Variants in ADAP1 observed in about 807,000 individuals in gnomAD.
ADAP1 encodes the protein arf-GAP with dual PH domain-containing protein 1.
Under a neutral mutation model 54.9 loss-of-function variants are expected in ADAP1, and 31 were observed. The ratio of observed to expected loss-of-function variants is 0.56; its 90% CI spans 0.42 to 0.76. The LOEUF (loss-of-function observed/expected upper bound fraction) is 0.76. ADAP1 is among the 30% of genes least tolerant of loss of function. The pLI is 0.00. For synonymous variants in ADAP1, 313 were observed against 202.6 expected (o/e 1.55, Z -4.63); for missense variants, 535 against 512.4 (o/e 1.04, Z -0.42).
rs115107801 is a variant in ADAP1, at chr7:904,624, G to A, written c.502-352C>T. On this transcript the variant is annotated intron_variant, in intron 5 of 10. Transcript: ENST00000265846. ...GCCAGTGCCCGCCACGGCTCAGGGC[G>A]GGTGCTTCTGACCATCAGCCCATGG... Among the ~76,000 whole-genome samples, 932 of 152,278 alleles carry A rather than the reference G, an allele frequency of 6.1e-3. 11 individuals are homozygous for A. The highest frequency in any genetic ancestry group is 0.02 in the African/African-American group (821 of 41,556).
rs1844681943 is a variant in ADAP1 at position 899,591 on chromosome 7, G to A, written c.796-101C>T. 3.7e-6 allele frequency: 5 copies of A among 1,363,442 alleles called. No individual in the cohort carries two copies. The East Asian group carries it at 1.0e-4, about 27-fold the overall frequency. 84.5% of individuals were successfully genotyped at this position (1,363,442 alleles called of 1,614,324 possible). The stretch of plus-strand genomic sequence containing the variant: ...GGAGGGCAGGGCCCAGACTGGCCCG[G>A]GTCAGTCACCTCCATTCACTCACGC... On this transcript the variant is annotated intron_variant, in intron 8 of 10. Coordinates refer to ENST00000265846, the MANE Select transcript of ADAP1 (RefSeq NM_006869.4).
chr7:934,939 G>A (rs990530058), intron 2 of ADAP1, among the ~76,000 whole-genome samples: 3 of 152,230 alleles, frequency 2.0e-5, no homozygotes, highest in Non-Finnish European at 4.4e-5. Context: ...GCAGCGGGCC[G>A]GGGTGCACGT....
intron 5 of ADAP1, 24 bp downstream of exon 5, chr7:905,031 CCCCCA>C: frequency 6.3e-7 from 1 of 1,586,276 alleles, no homozygotes; most frequent in Non-Finnish European, 8.6e-7. Flanking sequence ...CTGGGACAGG[CCCCCA>C]CCCCACCCCC....
chr7:904,942 T>TCGGGGGGGGCAG, intron 5 of ADAP1, 118 bp downstream of exon 5: 2 of 859,374 alleles, frequency 2.3e-6, no homozygotes, highest in Non-Finnish European at 1.9e-6. Flanking sequence ...AGCGTCCCCA[T>TCGGGGGGGGCAG]CGGGGGGGGC....
In ADAP1 at chr7:899,468, C is replaced by T. The variant is rs762723014; in HGVS notation, c.818G>A (p.Arg273His). 3.1e-6 allele frequency: 5 copies of T among 1,613,120 alleles called. No homozygotes were observed. Among genetic ancestry groups the T allele is most frequent in the East Asian group, 2.2e-5 (1 of 44,872 alleles). Residue 273 changes from arginine to histidine, a missense_variant, in exon 9 of 11, where the codon CGC (arginine) becomes CAC (histidine). By Grantham distance (29) the Arg-to-His change is conservative. Transcript: ENST00000265846. Reference sequence around the variant, plus strand: ...CCTGCGGTCATCCATGGTGAACCAGCGCTTCCGGAAGCCTTCCGTTTGCTG... The same window carrying T: ...CCTGCGGTCATCCATGGTGAACCAGTGCTTCCGGAAGCCTTCCGTTTGCTG... Reference protein sequence around the residue: ...GPKQTEGFRKRWFTMDDRRLM... With the variant: ...GPKQTEGFRKHWFTMDDRRLM...
intron 1 of ADAP1, among the ~76,000 whole-genome samples, chr7:941,768 T>G (rs1313440488): frequency 6.6e-6 from 1 of 152,328 alleles, no homozygotes; most frequent in East Asian, 1.9e-4. Flanking sequence ...TCAACAGGAT[T>G]TTAAAAATAG....
chr7:914,674 G>A (rs993449529), intron 4 of ADAP1, among the ~76,000 whole-genome samples: 4 of 152,174 alleles, frequency 2.6e-5, no homozygotes, highest in Non-Finnish European at 4.4e-5. Flanking sequence ...CCAAATAGCA[G>A]CGGGCAGCTA....
At chr7:930,495 G>A (rs1376847852) in intron 2 of ADAP1, among the ~76,000 whole-genome samples, 1 of 143,042 alleles carries the variant, frequency 7.0e-6, no homozygotes, top group African/African-American at 2.5e-5. Flanking sequence ...GGCCAACATA[G>A]CAAGACCCCA....
intron 8 of ADAP1, 143 bp from the exon 9 acceptor site, chr7:899,633 CCCA>C: frequency 1.1e-6 from 1 of 891,480 alleles, no homozygotes; most frequent in Non-Finnish European, 1.7e-6. Context: ...CTGGCCACGC[CCCA>C]CGAGGCCTCC....
chr7:926,526 G>A lies in ADAP1; in HGVS notation c.305+27C>T, dbSNP rs760516412. The A allele has an allele frequency of 4.0e-6, 6 of 1,511,146 alleles. No individual in the cohort carries two copies. The highest frequency in any genetic ancestry group is 5.3e-6 in the Non-Finnish European group (6 of 1,130,238). The allele number at this position is 1,511,146 out of a possible 1,614,324, so 93.6% of individuals were successfully genotyped here. A position where few individuals can be genotyped will look rare whatever the true frequency, so the allele number is the denominator to read the frequency against. The stretch of plus-strand genomic sequence containing the variant: ...CGGAGCCACCCAGCACTTGACCATG[G>A]CCCTGACAAGGCCCCTTTGTACTCA... On this transcript the variant is annotated intron_variant, in intron 3 of 10. Transcript: ENST00000265846. This position sits in a 1 kb window ranked among gnomAD's most constrained non-coding sequence, Gnocchi z 4.6.
At chr7:931,996 C>T (rs1846596917) in intron 2 of ADAP1, among the ~76,000 whole-genome samples, 2 of 152,292 alleles carry the variant, frequency 1.3e-5, no homozygotes, top group East Asian at 1.9e-4. Flanking sequence ...CAGTGCAGCT[C>T]CCGCCCCACA....
chr7:903,902 T>C (rs976930143), intron 6 of ADAP1: 14 of 540,282 alleles, frequency 2.6e-5, no homozygotes, highest in African/African-American at 2.0e-4. Context: ...GGAAGCTGCC[T>C]TCCTGCACCT....
intron 6 of ADAP1, chr7:900,863 G>GAGAAGGGC (rs1473511160): frequency 6.2e-5 from 36 of 581,558 alleles, no homozygotes; most frequent in Middle Eastern, 4.0e-4. Flanking sequence ...GCGAAGTCCT[G>GAGAAGGGC]AGAAGGGCCG....
intron 3 of ADAP1, among the ~76,000 whole-genome samples, chr7:923,723 G>A (rs1846269715): frequency 6.6e-6 from 1 of 152,162 alleles, no homozygotes; most frequent in Non-Finnish European, 1.5e-5. Context: ...ATGGCGTGGG[G>A]GGCCTTCCAG....
At chr7:911,069 C>A (rs1845702168) in intron 4 of ADAP1, among the ~76,000 whole-genome samples, 1 of 152,176 alleles carries the variant, frequency 6.6e-6, no homozygotes, top group African/African-American at 2.4e-5. Context: ...CAGGTTGGTG[C>A]GTCTGGGGCC....
At chr7:955,385 C>G (rs1454269163), upstream of ADAP1, 7 of 1,550,176 alleles carry the variant, frequency 4.5e-6, no homozygotes, top group East Asian at 1.5e-4. Context: ...GCAGTACACC[C>G]GGCTGAAAAC....
In ADAP1 at chr7:910,146, C is replaced by T. The variant is rs770212149; in HGVS notation, c.389-4974G>A. The stretch of plus-strand genomic sequence containing the variant: ...CGTGGGGATGTAAGGTGCCCCAGTC[C>T]CTGGAAAGCAGCCAGGCCGTTTCTT... On this transcript the variant is annotated intron_variant, in intron 4 of 10. Coordinates refer to ENST00000265846, the MANE Select transcript of ADAP1 (RefSeq NM_006869.4). 3.3e-5 allele frequency among the ~76,000 whole-genome samples: 5 copies of T among 152,338 alleles called. No homozygotes were observed. In the South Asian group the frequency reaches 8.3e-4, roughly 25 times the overall value.
intron 6 of ADAP1, among the ~76,000 whole-genome samples, chr7:903,071 C>T (rs540285095): frequency 6.6e-5 from 10 of 152,268 alleles, no homozygotes; most frequent in East Asian, 1.9e-4. Flanking sequence ...GCTGCAGGAG[C>T]GAGATCTCCA....
chr7:903,330 C>A (rs1424401840), intron 6 of ADAP1, among the ~76,000 whole-genome samples: 1 of 152,134 alleles, frequency 6.6e-6, no homozygotes, highest in East Asian at 1.9e-4. Flanking sequence ...GAGCTGGAAC[C>A]TCTACTTCCA....
Sources: allele counts gnomAD v4.1 joint callset (sites outside exome capture counted in the v4.1 genomes callset), GRCh38; gene constraint gnomAD v4.1.1; non-coding constraint Gnocchi (gnomAD v3.1); transcripts MANE v1.5; gene names NCBI Gene and HGNC (gene_info 2026-07-23, HGNC 2026-07-21).